The following TLN2 variants were observed in gnomAD, a reference collection of about 807,000 sequenced individuals.
TLN2 encodes talin-2.
A neutral mutation model predicts 294.7 loss-of-function variants in TLN2; 118 were observed. That is an observed-to-expected ratio of 0.40 (90% CI 0.34 to 0.47). The LOEUF is 0.47. Among genes scored for constraint, TLN2 ranks in the 20% least tolerant of loss-of-function variants. TLN2 has a pLI of 0.84. For missense variants in TLN2, 3,083 were observed against 3,282.2 expected, an observed-to-expected ratio of 0.94 and a Z score of 1.48; for synonymous variants, 1,431 against 1,304.5, an observed-to-expected ratio of 1.10 and a Z score of -2.09.
intron 1 of TLN2, among the ~76,000 whole-genome samples, chr15:62,455,146 T>C (rs1354207576): frequency 1.2e-4 from 18 of 151,992 alleles, no homozygotes; most frequent in Admixed American, 1.2e-3. Flanking sequence ...TTTTTGAGGG[T>C]CTGTCGTGGG....
chr15:62,670,330 C>T (rs567996536), intron 9 of TLN2, among the ~76,000 whole-genome samples: 1 of 152,184 alleles, frequency 6.6e-6, no homozygotes, highest in Non-Finnish European at 1.5e-5. Flanking sequence ...CACTTTTGTT[C>T]TGGGAGGTCA....
intron 9 of TLN2, among the ~76,000 whole-genome samples, chr15:62,672,844 G>A (rs1424775448): frequency 6.6e-6 from 1 of 152,100 alleles, no homozygotes. Flanking sequence ...ACTGGACATA[G>A]CTAGAAATTG....
intron 44 of TLN2, 118 bp from the exon 45 acceptor site, chr15:62,783,653 G>A: frequency 6.9e-7 from 1 of 1,450,218 alleles, no homozygotes; most frequent in South Asian, 1.5e-5. Flanking sequence ...ACCCCCTCAG[G>A]AGCTTAAAAG....
intron 25 of TLN2, 43 bp downstream of exon 25, chr15:62,719,923 T>A: frequency 6.8e-7 from 1 of 1,466,920 alleles, no homozygotes; most frequent in Non-Finnish European, 9.3e-7. Context: ...AGAGCCCTCT[T>A]CTGGGCAGGG....
chr15:62,840,939 G>T lies in TLN2; in HGVS notation c.*329G>T, dbSNP rs533194236. On this transcript the variant is annotated 3_prime_UTR_variant, in exon 59 of 59. Transcript: ENST00000636159. ...GTTCTCAGACACTTTGGCTTTTGTT[G>T]GTCCTTCTCTTAGGCCTGCTCCTGG... 34 of 209,298 alleles carry T rather than the reference G, an allele frequency of 1.6e-4. No individual in the cohort carries two copies. Among genetic ancestry groups the T allele is most frequent in the African/African-American group, 6.2e-4 (27 of 43,668 alleles). 13.0% of individuals were successfully genotyped at this position (209,298 alleles called of 1,614,324 possible).
At chr15:62,578,805 G>T (rs1292697295) in intron 1 of TLN2, among the ~76,000 whole-genome samples, 1 of 152,176 alleles carries the variant, frequency 6.6e-6, no homozygotes, top group Non-Finnish European at 1.5e-5. Flanking sequence ...TTACAGGGGA[G>T]CAGAGTGAGG....
intron 17 of TLN2, 72 bp from the exon 18 acceptor site, chr15:62,701,920 G>A (rs77172755): frequency 6.5e-7 from 1 of 1,547,812 alleles, no homozygotes; most frequent in Non-Finnish European, 8.8e-7. Flanking sequence ...ACTCCTGCCA[G>A]TGTGGGGTTT....
chr15:62,430,441 T>A (rs2034951974), intron 1 of TLN2, among the ~76,000 whole-genome samples: 1 of 152,248 alleles, frequency 6.6e-6, no homozygotes, highest in Admixed American at 6.5e-5. Context: ...GAACTTTAGC[T>A]TCTGTTTTGT....
At chr15:62,639,033 T>C (rs2050700576) in intron 3 of TLN2, among the ~76,000 whole-genome samples, 1 of 152,136 alleles carries the variant, frequency 6.6e-6, no homozygotes, top group African/African-American at 2.4e-5. Flanking sequence ...TAATGACTAA[T>C]TTAGGGAAAA....
At chr15:62,633,040 T>C (rs1294334694) in intron 3 of TLN2, among the ~76,000 whole-genome samples, 1 of 152,238 alleles carries the variant, frequency 6.6e-6, no homozygotes, top group Non-Finnish European at 1.5e-5. Context: ...TCTTCCCTAC[T>C]TGGCTGGAAG....
chr15:62,805,824 C>G, intron 51 of TLN2, 39 bp downstream of exon 51: 1 of 1,589,790 alleles, frequency 6.3e-7, no homozygotes, highest in Non-Finnish European at 8.6e-7. Context: ...ACAGATGATT[C>G]TCTGTCGTGA....
chr15:62,471,974 T>C (rs1402956329), intron 1 of TLN2, among the ~76,000 whole-genome samples: 3 of 152,074 alleles, frequency 2.0e-5, no homozygotes, highest in Non-Finnish European at 4.4e-5. Flanking sequence ...TTCTTCCTTC[T>C]CCCCTGCGCT....
intron 1 of TLN2, among the ~76,000 whole-genome samples, chr15:62,454,280 C>T (rs1279647519): frequency 6.6e-6 from 1 of 152,096 alleles, no homozygotes; most frequent in Admixed American, 6.5e-5. Flanking sequence ...GGGCAGGAGG[C>T]AGAAAGGGAA....
intron 57 of TLN2, 48 bp downstream of exon 57, chr15:62,836,121 A>C (rs200493954): frequency 9.1e-4 from 1,415 of 1,554,802 alleles, no homozygotes; most frequent in Non-Finnish European, 1.1e-3. Flanking sequence ...TGGAGCGGGT[A>C]AGTGTCACCA....
At chr15:62,745,440 C>T (rs2061559012) in intron 32 of TLN2, among the ~76,000 whole-genome samples, 1 of 152,076 alleles carries the variant, frequency 6.6e-6, no homozygotes. Flanking sequence ...TGATTAATTT[C>T]TAATGGGGGG....
intron 3 of TLN2, among the ~76,000 whole-genome samples, chr15:62,632,712 C>G (rs2050026399): frequency 6.6e-6 from 1 of 152,136 alleles, no homozygotes; most frequent in Non-Finnish European, 1.5e-5. Context: ...TGTATCCTTC[C>G]CCTAGGCTCA....
At chr15:62,703,195 C>T (rs1030394599) in intron 19 of TLN2, among the ~76,000 whole-genome samples, 1 of 151,580 alleles carries the variant, frequency 6.6e-6, no homozygotes, top group Non-Finnish European at 1.5e-5. Context: ...CTCCATCTCC[C>T]GGGTTCAAGC....
intron 1 of TLN2, among the ~76,000 whole-genome samples, chr15:62,487,725 G>C (rs2038482389): frequency 6.6e-6 from 1 of 151,866 alleles, no homozygotes; most frequent in African/African-American, 2.4e-5. Flanking sequence ...GGGGTCAGGA[G>C]ATAGAAATAC....
chr15:62,740,484 G>A (rs1177808499), intron 31 of TLN2, 146 bp from the exon 32 acceptor site: 37 of 959,252 alleles, frequency 3.9e-5, no homozygotes, highest in Non-Finnish European at 5.0e-5. Flanking sequence ...GTGTCTCAAC[G>A]AGTTAGGCAT....
Sources: allele counts gnomAD v4.1 joint callset (sites outside exome capture counted in the v4.1 genomes callset), GRCh38; gene constraint gnomAD v4.1.1; transcripts MANE v1.5; gene names NCBI Gene and HGNC (gene_info 2026-07-23, HGNC 2026-07-21).